KCNK13: variants seen among roughly 807,000 people sequenced by gnomAD.
KCNK13 encodes potassium channel subfamily K member 13.
In KCNK13, 12 loss-of-function variants were observed where a neutral mutation model predicts 23.4. That is an observed-to-expected ratio of 0.51 (90% CI 0.33 to 0.83). The LOEUF is 0.83. Among genes scored for constraint, KCNK13 ranks in the 40% least tolerant of loss-of-function variants. KCNK13 has a pLI of 0.02. For synonymous variants in KCNK13, 231 were observed against 229.5 expected (o/e 1.01, Z -0.06); for missense variants, 463 against 556.3 (o/e 0.83, Z 1.69).
chr14:90,065,382 A>G (rs1888995678), intron 1 of KCNK13, among the ~76,000 whole-genome samples: 1 of 152,230 alleles, frequency 6.6e-6, no homozygotes, highest in African/African-American at 2.4e-5. Context: ...CTAGAGAGGA[A>G]CTTTGTCTTA....
rs1186574102 is a variant in KCNK13 at position 90,107,820 on chromosome 14, CA to C, written c.334+45283del. ...GGGCTTCTGGAATTTGTCGAGATCACAACCACCAACCACACTAACAAGATTC... is the reference window on the plus strand; with the variant it reads ...GGGCTTCTGGAATTTGTCGAGATCACACCACCAACCACACTAACAAGATTC... On this transcript the variant is annotated intron_variant, in intron 1 of 1. Transcript: ENST00000282146. 59 of 864,260 alleles carry C rather than the reference CA, an allele frequency of 6.8e-5. No homozygotes were observed. The Admixed American group carries it at 1.0e-3, about 15-fold the overall frequency. 53.5% of individuals were successfully genotyped at this position (864,260 alleles called of 1,614,324 possible).
At chr14:90,063,803 C>G (rs1258796917) in intron 1 of KCNK13, among the ~76,000 whole-genome samples, 2 of 152,218 alleles carry the variant, frequency 1.3e-5, no homozygotes, top group African/African-American at 4.8e-5. Context: ...TCATGAAAGA[C>G]TTCCCAGGGC....
chr14:90,087,985 GTTTA>G (rs879399546), intron 1 of KCNK13, among the ~76,000 whole-genome samples: 6 of 152,088 alleles, frequency 3.9e-5, no homozygotes, highest in South Asian at 2.1e-4. Flanking sequence ...TCTTGCTTAA[GTTTA>G]TTTATTTATT....
intron 1 of KCNK13, among the ~76,000 whole-genome samples, chr14:90,068,430 A>T (rs1182725006): frequency 6.6e-6 from 1 of 151,994 alleles, no homozygotes; most frequent in African/African-American, 2.4e-5. Flanking sequence ...CCCCATCTCT[A>T]CAAAAAAAAT....
At chr14:90,143,239 G>T (rs1448086636) in intron 1 of KCNK13, among the ~76,000 whole-genome samples, 5 of 109,610 alleles carry the variant, frequency 4.6e-5, no homozygotes, top group Admixed American at 3.2e-4. Context: ...ACAGGGTCTT[G>T]CTCTGTCTCC....
chr14:90,126,939 A>G (rs1032861607), intron 1 of KCNK13, among the ~76,000 whole-genome samples: 2 of 152,200 alleles, frequency 1.3e-5, no homozygotes, highest in African/African-American at 4.8e-5. Context: ...GGTTATCAAA[A>G]CCAAGGAAAG....
chr14:90,074,676 A>G (rs746657024), intron 1 of KCNK13, among the ~76,000 whole-genome samples: 9 of 152,078 alleles, frequency 5.9e-5, no homozygotes, highest in Non-Finnish European at 1.0e-4. Context: ...TGGTGTCTGT[A>G]TTTATTTCAG....
chr14:90,077,078 C>G (rs896292877), intron 1 of KCNK13, among the ~76,000 whole-genome samples: 1 of 147,232 alleles, frequency 6.8e-6, no homozygotes, highest in African/African-American at 2.5e-5. Flanking sequence ...CTCAGCCTCC[C>G]AAAGTGCTGG....
chr14:90,127,453 CTT>C (rs11404565), intron 1 of KCNK13, among the ~76,000 whole-genome samples: 2 of 133,026 alleles, frequency 1.5e-5, no homozygotes, highest in Non-Finnish European at 1.6e-5. Flanking sequence ...GCTCACCATA[CTT>C]TTTTTTTTTT....
At chr14:90,115,031 G>A (rs1006266340) in intron 1 of KCNK13, among the ~76,000 whole-genome samples, 5 of 152,182 alleles carry the variant, frequency 3.3e-5, no homozygotes, top group Non-Finnish European at 5.9e-5. Flanking sequence ...TCCAAAGTCC[G>A]ATCCAAATCA....
chr14:90,157,702 C>CTGTTTTTTT (rs1890209547), intron 1 of KCNK13, among the ~76,000 whole-genome samples: 1 of 100,348 alleles, frequency 1.0e-5, no homozygotes, highest in Non-Finnish European at 1.9e-5. Flanking sequence ...CTTGGCTTTC[C>CTGTTTTTTT]TTTTTTTTTT....
At chr14:90,173,472 G>T (rs1357564207) in intron 1 of KCNK13, among the ~76,000 whole-genome samples, 1 of 152,146 alleles carries the variant, frequency 6.6e-6, no homozygotes, top group Non-Finnish European at 1.5e-5. Flanking sequence ...GTCATCAATT[G>T]CATTCATAAG....
chr14:90,100,804 A>G (rs1596777826), intron 1 of KCNK13, among the ~76,000 whole-genome samples: 1 of 151,958 alleles, frequency 6.6e-6, no homozygotes, highest in African/African-American at 2.4e-5. Context: ...TGATCCTCCC[A>G]CCTCAGCCTC....
rs1889938147 is a variant in KCNK13, at chr14:90,136,511, AT to A, written c.335-47598del. Among the ~76,000 whole-genome samples, 4 of 148,050 alleles carry A rather than the reference AT, an allele frequency of 2.7e-5. No individual in the cohort carries two copies. In the Admixed American group the frequency reaches 2.9e-4, roughly 11 times the overall value. ...AGTGAATTGATTTAAGGAGGAGGGA[AT>A]TAAAAAAAAAAAAATCTTAGCAAAA... On this transcript the variant is annotated intron_variant, in intron 1 of 1. Transcript: ENST00000282146.
intron 1 of KCNK13, among the ~76,000 whole-genome samples, chr14:90,120,613 G>A (rs951376265): frequency 3.3e-5 from 5 of 152,138 alleles, no homozygotes; most frequent in Non-Finnish European, 7.3e-5. Context: ...TCATGTGAAC[G>A]GCATGGGGGC....
At chr14:90,162,636 C>T (rs1890263813) in intron 1 of KCNK13, among the ~76,000 whole-genome samples, 1 of 152,032 alleles carries the variant, frequency 6.6e-6, no homozygotes, top group Non-Finnish European at 1.5e-5. Context: ...TATGTGCCTG[C>T]AATTAACAAG....
chr14:90,107,309 C>T (rs918699467), intron 1 of KCNK13, among the ~76,000 whole-genome samples: 3 of 152,136 alleles, frequency 2.0e-5, no homozygotes, highest in Non-Finnish European at 4.4e-5. Context: ...GAAACCCCAT[C>T]TCTACTAAAA....
At chr14:90,076,296 T>C (rs1467459764) in intron 1 of KCNK13, among the ~76,000 whole-genome samples, 5 of 152,252 alleles carry the variant, frequency 3.3e-5, no homozygotes, top group African/African-American at 1.2e-4. Flanking sequence ...AGGGCTGATA[T>C]AATAGTCCCA....
In KCNK13 at chr14:90,135,918, A is replaced by T. The variant is rs560903770; in HGVS notation, c.335-48193A>T. On this transcript the variant is annotated intron_variant, in intron 1 of 1. Transcript: ENST00000282146. ...TTCCCTTCAACAGATGAGAACATGC[A>T]TTCAGCTGTCATCACTTCTCGGGCA... Among the ~76,000 whole-genome samples, 2 of 152,052 alleles carry T rather than the reference A, an allele frequency of 1.3e-5. 1 individual carries two copies. Among genetic ancestry groups the T allele is most frequent in the South Asian group, 4.2e-4 (2 of 4,802 alleles).
Sources: gnomAD v4.1 joint callset for allele counts (sites outside exome capture counted in the v4.1 genomes callset) on GRCh38, gnomAD v4.1.1 for gene constraint, MANE v1.5 for transcripts, NCBI Gene and HGNC (gene_info 2026-07-23, HGNC 2026-07-21) for gene names.